Variants in RAB11FIP1 observed in about 807,000 individuals in gnomAD.
RAB11FIP1 encodes the protein rab11 family-interacting protein 1.
RAB11FIP1 carries 49 observed loss-of-function variants against 83.1 expected under a neutral mutation model. The observed-to-expected ratio is 0.59, with a 90% CI of 0.47 to 0.75. The LOEUF (loss-of-function observed/expected upper bound fraction) is 0.75, where lower values mean the gene tolerates loss of function less well. RAB11FIP1 is among the 30% of genes least tolerant of loss of function. The probability of loss-of-function intolerance (pLI) is 0.00; values close to 1 mark genes in which losing one functional copy is unlikely to be tolerated. For synonymous variants in RAB11FIP1, 670 were observed against 656.0 expected, an observed-to-expected ratio of 1.02 and a Z score of -0.33; for missense variants, 1,536 against 1,598.7, an observed-to-expected ratio of 0.96 and a Z score of 0.67.
intron 1 of RAB11FIP1, among the ~76,000 whole-genome samples, chr8:37,895,829 T>C (rs1476134385): frequency 6.6e-6 from 1 of 152,142 alleles, no homozygotes; most frequent in African/African-American, 2.4e-5. Context: ...TCATACTCTG[T>C]TGCAGCAACT....
chr8:37,862,732 T>A lies in RAB11FIP1; in HGVS notation c.*163A>T. The A allele has an allele frequency of 1.6e-6, 1 of 606,258 alleles. No homozygotes were observed. The highest frequency in any genetic ancestry group is 2.8e-5 in the East Asian group (1 of 36,172). The allele number at this position is 606,258 out of a possible 1,614,324, so 37.6% of individuals were successfully genotyped here. ...TACAGTAAAAGATTAATTGTAATCA[T>A]TAACCTGGCTTCCATTGGTAGAATT... On this transcript the variant is annotated 3_prime_UTR_variant, in exon 6 of 6. Transcript: ENST00000330843.
chr8:37,876,073 G>T (rs7832233), intron 2 of RAB11FIP1, among the ~76,000 whole-genome samples: 9,929 of 152,044 alleles, frequency 0.065, 1,083 homozygotes, highest in African/African-American at 0.23. Context: ...CACGGACCTG[G>T]AATCCCAGCT....
chr8:37,871,434 G>A lies in RAB11FIP1; in HGVS notation c.3368C>T (p.Thr1123Ile), dbSNP rs767271520. 8.1e-6 allele frequency: 13 copies of A among 1,614,152 alleles called. No individual in the cohort carries two copies. In the South Asian group the frequency reaches 8.8e-5, roughly 11 times the overall value. Residue 1123 changes from threonine (T) to isoleucine (I), a missense_variant, in exon 4 of 6, where the codon ACA becomes ATA. Coordinates refer to ENST00000330843, the MANE Select transcript of RAB11FIP1 (RefSeq NM_001002814.3). ...SAHSDTHHTSTAESQKKATAE... is the reference protein window; with the variant it reads ...SAHSDTHHTSIAESQKKATAE... ...TGTGGCTTTTTTTTGAGATTCTGCT[G>A]TGCTGGTGTGGTGAGTGTCAGAATG...
intron 1 of RAB11FIP1, among the ~76,000 whole-genome samples, chr8:37,898,267 T>C (rs1448294651): frequency 6.6e-6 from 1 of 152,066 alleles, no homozygotes; most frequent in Admixed American, 6.5e-5. Flanking sequence ...TCCCAATACT[T>C]TGGGAGGCCG....
rs888875627 is a variant in RAB11FIP1 at position 37,893,166 on chromosome 8, C to T, written c.371+5905G>A. Among the ~76,000 whole-genome samples, 4 of 151,782 alleles carry T rather than the reference C, an allele frequency of 2.6e-5. 1 individual carries two copies. The highest frequency in any genetic ancestry group is 9.7e-5 in the African/African-American group (4 of 41,328). On this transcript the variant is annotated intron_variant, in intron 1 of 5. Coordinates refer to ENST00000330843, the MANE Select transcript of RAB11FIP1 (RefSeq NM_001002814.3). ...CTCGGCTCACTGCAATCTCTGCCTC[C>T]TGGGTTCAAGCAATTATCCTGCTTC...
In RAB11FIP1 at chr8:37,894,729, T is replaced by TATATATATATATATATAC. The variant is rs1225758575; in HGVS notation, c.371+4341_371+4342insGTATATATATATATATAT. Among the ~76,000 whole-genome samples the TATATATATATATATATAC allele has an allele frequency of 4.4e-4, 65 of 147,508 alleles. 1 individual carries two copies. The highest frequency in any genetic ancestry group is 1.5e-3 in the African/African-American group (60 of 40,180). On this transcript the variant is annotated intron_variant, in intron 1 of 5. Transcript: ENST00000330843. Reference sequence around the variant, plus strand: ...ATATATACATATATATATACATATATATATATATATACACACACACACATA... The same window carrying TATATATATATATATATAC: ...ATATATACATATATATATACATATATATATATATATATATATACATATATATATACACACACACACATA...
intron 5 of RAB11FIP1, among the ~76,000 whole-genome samples, chr8:37,866,588 C>T (rs917667708): frequency 2.6e-5 from 4 of 151,038 alleles, no homozygotes; most frequent in East Asian, 3.9e-4. Context: ...TATTTTAAAA[C>T]GGAAATGTTA....
In RAB11FIP1 at chr8:37,862,804, C is replaced by T. The variant is rs778476914; in HGVS notation, c.*91G>A. 7.3e-6 allele frequency: 7 copies of T among 961,640 alleles called. No individual in the cohort carries two copies. Among genetic ancestry groups the T allele is most frequent in the Non-Finnish European group, 1.1e-5 (7 of 626,086 alleles). The allele number at this position is 961,640 out of a possible 1,614,324, so 59.6% of individuals were successfully genotyped here. ...GAGGGAGATGGTGATTCGGAGCCTG[C>T]TGGCTGGTTATCAGGCAAGGCAAGT... On this transcript the variant is annotated 3_prime_UTR_variant, in exon 6 of 6. Coordinates refer to ENST00000330843, the MANE Select transcript of RAB11FIP1 (RefSeq NM_001002814.3).
intron 5 of RAB11FIP1, 66 bp from the exon 6 acceptor site, chr8:37,863,179 AAAG>A (rs1806278103): frequency 4.0e-6 from 5 of 1,259,546 alleles, no homozygotes. Context: ...CTAAAACCTA[AAAG>A]AAGTACAAAG....
chr8:37,861,581 A>T lies in RAB11FIP1; in HGVS notation c.*1314T>A, dbSNP rs1370145860. On this transcript the variant is annotated 3_prime_UTR_variant, in exon 6 of 6. Transcript: ENST00000330843. ...TTAGTTTTTTTTAAGACAGAGTCTT[A>T]AAAAAATTGCCCAGGCTCTTTTTTT... The T allele has an allele frequency of 4.5e-6, 2 of 443,288 alleles. No individual in the cohort carries two copies. The highest frequency in any genetic ancestry group is 4.5e-6 in the Non-Finnish European group (1 of 224,040). The allele number at this position is 443,288 out of a possible 1,614,324, so 27.5% of individuals were successfully genotyped here. A position where few individuals can be genotyped will look rare whatever the true frequency, so the allele number is the denominator to read the frequency against.
At chr8:37,866,891 C>T (rs1190568938) in intron 5 of RAB11FIP1, among the ~76,000 whole-genome samples, 1 of 152,188 alleles carries the variant, frequency 6.6e-6, no homozygotes, top group Non-Finnish European at 1.5e-5. Flanking sequence ...AGAATGTTTA[C>T]TAGGCATGGT....
chr8:37,881,851 G>A (rs1806738162), intron 1 of RAB11FIP1, among the ~76,000 whole-genome samples: 1 of 152,076 alleles, frequency 6.6e-6, no homozygotes, highest in Non-Finnish European at 1.5e-5. Flanking sequence ...CCTAGTGTCT[G>A]TCCAATACAT....
Position 37,872,744 on chromosome 8 carries a change from G to GC in RAB11FIP1, c.2057dup (p.Ser686ArgfsTer3). 6.2e-7 allele frequency: 1 copy of GC among 1,614,194 alleles called. No homozygotes were observed. ...CTGGGAGAGACTCCTCCAACTCAAGGCTGCTGGTGTTCTTCTCTGTGCCTG... is the reference window on the plus strand; with the variant it reads ...CTGGGAGAGACTCCTCCAACTCAAGGCCTGCTGGTGTTCTTCTCTGTGCCTG... On this transcript the variant is annotated frameshift_variant, in exon 4 of 6. Coordinates refer to ENST00000330843, the MANE Select transcript of RAB11FIP1 (RefSeq NM_001002814.3). LOFTEE classifies it high-confidence loss of function.
chr8:37,893,076 CTT>C (rs1167070715), intron 1 of RAB11FIP1, among the ~76,000 whole-genome samples: 20 of 138,052 alleles, frequency 1.4e-4, no homozygotes, highest in Admixed American at 2.9e-4. Flanking sequence ...GTTCTTTTTT[CTT>C]TTTTTTTTTT....
At chr8:37,893,610 C>T (rs1258081084) in intron 1 of RAB11FIP1, among the ~76,000 whole-genome samples, 1 of 151,978 alleles carries the variant, frequency 6.6e-6, no homozygotes, top group Non-Finnish European at 1.5e-5. Context: ...AGTGAGATCC[C>T]ATCTCTACAA....
intron 1 of RAB11FIP1, among the ~76,000 whole-genome samples, chr8:37,889,111 T>G (rs963824613): frequency 1.3e-5 from 2 of 152,150 alleles, no homozygotes; most frequent in Non-Finnish European, 2.9e-5. Flanking sequence ...TTTCCGCAAC[T>G]TATTGAGAGA....
At chr8:37,879,424 T>G in intron 1 of RAB11FIP1, among the ~76,000 whole-genome samples, 1 of 152,048 alleles carries the variant, frequency 6.6e-6, no homozygotes, top group East Asian at 1.9e-4. Context: ...AGTCAGAAAG[T>G]AGAATGGTGA....
intron 1 of RAB11FIP1, among the ~76,000 whole-genome samples, chr8:37,894,885 G>C (rs1380996979): frequency 6.7e-6 from 1 of 150,314 alleles, no homozygotes; most frequent in East Asian, 1.9e-4. Context: ...GAGTAGCTGC[G>C]ATTACAGGCA....
In RAB11FIP1 at chr8:37,878,857, G is replaced by A. The variant is rs116421074; in HGVS notation, c.372-1306C>T. On this transcript the variant is annotated intron_variant, in intron 1 of 5. Transcript: ENST00000330843. ...TCCATAAAAAATTAAAAAATTTGCC[G>A]GCATGGTGGTGTGCGCCTATACTCT... 3.5e-3 allele frequency among the ~76,000 whole-genome samples: 532 copies of A among 151,914 alleles called. 3 individuals are homozygous for A. Among genetic ancestry groups the A allele is most frequent in the African/African-American group, 0.012 (504 of 41,402 alleles).
Sources: gnomAD v4.1 joint callset for allele counts (sites outside exome capture counted in the v4.1 genomes callset) on GRCh38, gnomAD v4.1.1 for gene constraint, MANE v1.5 for transcripts, NCBI Gene and HGNC (gene_info 2026-07-23, HGNC 2026-07-21) for gene names.